Variants in ESRRA observed in about 807,000 individuals in gnomAD.
The protein encoded by ESRRA is estrogen related receptor alpha.
Under a neutral mutation model 35.6 loss-of-function variants are expected in ESRRA, and 7 were observed. That is an observed-to-expected ratio of 0.20 (90% confidence interval 0.11 to 0.37). The LOEUF (loss-of-function observed/expected upper bound fraction) is 0.37. Among genes scored for constraint, ESRRA ranks in the 10% least tolerant of loss-of-function variants. The pLI is 1.00. For synonymous variants in ESRRA, 223 were observed against 246.9 expected (o/e 0.90, Z 0.91); for missense variants, 378 against 561.7 (o/e 0.67, Z 3.31).
At position 64,316,030 on chromosome 11, in the gene ESRRA, G is replaced by T; in HGVS notation, c.*64G>T. 2 of 1,510,066 alleles carry T rather than the reference G, an allele frequency of 1.3e-6. No individual in the cohort carries two copies. Among genetic ancestry groups the T allele is most frequent in the Non-Finnish European group, 1.8e-6 (2 of 1,124,264 alleles). 93.5% of individuals were successfully genotyped at this position (1,510,066 alleles called of 1,614,324 possible). A position where few individuals can be genotyped will look rare whatever the true frequency, so the allele number is the denominator to read the frequency against. ...GCCTAGCATGGGGTCAGCCCCAAGGGCTGGGGCGGAGCTGGGGTCTGGGCA... is the reference window on the plus strand; with the variant it reads ...GCCTAGCATGGGGTCAGCCCCAAGGTCTGGGGCGGAGCTGGGGTCTGGGCA... On this transcript the variant is annotated 3_prime_UTR_variant, in exon 7 of 7. Coordinates refer to ENST00000000442, the MANE Select transcript of ESRRA (RefSeq NM_004451.5).
Position 64,315,999 on chromosome 11 carries a change from G to A in ESRRA, c.*33G>A, listed in dbSNP as rs2035249663. On this transcript the variant is annotated 3_prime_UTR_variant, in exon 7 of 7. Coordinates refer to ENST00000000442, the MANE Select transcript of ESRRA (RefSeq NM_004451.5). ...GGTGGGACTGGTGGGGGTTCTGGCAGGACCTGCCTAGCATGGGGTCAGCCC... is the reference window on the plus strand; with the variant it reads ...GGTGGGACTGGTGGGGGTTCTGGCAAGACCTGCCTAGCATGGGGTCAGCCC... 1 of 1,538,894 alleles carries A rather than the reference G, an allele frequency of 6.5e-7. No homozygotes were observed. Among genetic ancestry groups the A allele is most frequent in the South Asian group, 1.2e-5 (1 of 80,464 alleles).
In ESRRA at chr11:64,314,469, A is replaced by C. The variant is rs1046041195; in HGVS notation, c.571+102A>C. 7.5e-6 allele frequency: 10 copies of C among 1,336,980 alleles called. No homozygotes were observed. The African/African-American group carries it at 1.3e-4, about 18-fold the overall frequency. 82.8% of individuals were successfully genotyped at this position (1,336,980 alleles called of 1,614,324 possible). On this transcript the variant is annotated intron_variant, in intron 4 of 6. Coordinates refer to ENST00000000442, the MANE Select transcript of ESRRA (RefSeq NM_004451.5). ...ACCTGTATTTCCCCTTCGTCTCTTC[A>C]CTCACTCATTTCCCCAAGACATGTG...
In ESRRA at chr11:64,314,738, C is replaced by G; in HGVS notation, c.572-3C>G. ...CCTGACTCTTGTCCTCTAATTGTCA[C>G]AGCAGCCCCAGTGAATGCACTGGTG... On this transcript the variant is annotated splice_region_variant and splice_polypyrimidine_tract_variant and intron_variant, in intron 4 of 6. Transcript: ENST00000000442. 1 of 1,609,972 alleles carries G rather than the reference C, an allele frequency of 6.2e-7. No homozygotes were observed. The highest frequency in any genetic ancestry group is 1.1e-5 in the South Asian group (1 of 90,790).
rs1230595687 is a variant in ESRRA at position 64,316,230 on chromosome 11, C to T, written c.*264C>T. On this transcript the variant is annotated 3_prime_UTR_variant, in exon 7 of 7. Transcript: ENST00000000442. ...TGCCCCCAGAGTGTAGGGGGCCTTG[C>T]GGAAGCCATAGGGGGCTGCACGGGA... is the stretch of plus-strand genomic sequence containing the variant. 3.6e-5 allele frequency: 15 copies of T among 412,852 alleles called. No homozygotes were observed. The highest frequency in any genetic ancestry group is 1.2e-4 in the East Asian group (3 of 26,014). 25.6% of individuals were successfully genotyped at this position (412,852 alleles called of 1,614,324 possible).
intron 2 of ESRRA, among the ~76,000 whole-genome samples, chr11:64,312,777 C>G (rs573309724): frequency 6.6e-6 from 1 of 152,292 alleles, no homozygotes; most frequent in South Asian, 2.1e-4. Flanking sequence ...GGCATTATCA[C>G]AGGGTGGCCA....
intron 1 of ESRRA, 128 bp from the exon 2 acceptor site, chr11:64,307,040 C>T (rs2035047229): frequency 1.4e-6 from 1 of 691,988 alleles, no homozygotes; most frequent in Admixed American, 3.1e-5. Context: ...GACTCTGCCC[C>T]CCTTCTTCCC....
chr11:64,308,833 G>T (rs563093403), intron 2 of ESRRA, among the ~76,000 whole-genome samples: 471 of 136,568 alleles, frequency 3.4e-3, no homozygotes, highest in African/African-American at 6.2e-3. Flanking sequence ...AAAAAAAAAA[G>T]GCTGGGCGCG....
In ESRRA at chr11:64,305,697, C is replaced by G. The variant is rs2035017053; in HGVS notation, c.-52C>G. 1 of 148,246 alleles carries G rather than the reference C, an allele frequency of 6.7e-6. No homozygotes were observed. Among genetic ancestry groups the G allele is most frequent in the South Asian group, 2.1e-4 (1 of 4,778 alleles). 9.2% of individuals were successfully genotyped at this position (148,246 alleles called of 1,614,324 possible). A position where few individuals can be genotyped will look rare whatever the true frequency, so the allele number is the denominator to read the frequency against. On this transcript the variant is annotated 5_prime_UTR_variant, in exon 1 of 7. Coordinates refer to ENST00000000442, the MANE Select transcript of ESRRA (RefSeq NM_004451.5). The surrounding 1 kb of genome is among the most constrained non-coding windows in gnomAD (Gnocchi z 5.8). Reference sequence around the variant, plus strand: ...GCTCACTCCGGCACTCCGGGCCGCTCGGCCCCCATGCCTGCCCGACCGCGC... The same window carrying G: ...GCTCACTCCGGCACTCCGGGCCGCTGGGCCCCCATGCCTGCCCGACCGCGC...
Position 64,312,159 on chromosome 11 carries a change from A to AGATG in ESRRA, c.326-1789_326-1786dup, listed in dbSNP as rs1164389137. ...ATGTCCGGCTAATTTTTTTTTTTCG[A>AGATG]GATGGAGTCTCACTGTGTCACCCAG... On this transcript the variant is annotated intron_variant, in intron 2 of 6. Coordinates refer to ENST00000000442, the MANE Select transcript of ESRRA (RefSeq NM_004451.5). Among the ~76,000 whole-genome samples the AGATG allele has an allele frequency of 3.1e-4, 42 of 136,942 alleles. 3 individuals carry two copies. The South Asian group carries it at 9.7e-3, about 32-fold the overall frequency. The allele number at this position is 136,942 out of a possible 152,430, so 89.8% of individuals were successfully genotyped here.
In ESRRA at chr11:64,314,287, G is replaced by C; in HGVS notation, c.491G>C (p.Arg164Pro). ...VRGGRQKYKR[R>P]PEVDPLPFPG... ...GGTGGGCGGCAGAAGTACAAGCGGC[G>C]GCCGGAGGTGGACCCACTGCCCTTC... Residue 164 changes from arginine to proline, a missense_variant, in exon 4 of 7, where the codon CGG becomes CCG. This residue lies in a region of ESRRA where 284 missense variants were observed against 411.7 expected (regional missense o/e 0.69). Coordinates refer to ENST00000000442, the MANE Select transcript of ESRRA (RefSeq NM_004451.5). The C allele has an allele frequency of 6.2e-7, 1 of 1,611,750 alleles. No individual in the cohort carries two copies. Among genetic ancestry groups the C allele is most frequent in the Non-Finnish European group, 8.5e-7 (1 of 1,179,526 alleles).
In ESRRA at chr11:64,307,281, T is replaced by C; in HGVS notation, c.102T>C (p.Pro34=). 1 of 1,613,490 alleles carries C rather than the reference T, an allele frequency of 6.2e-7. No homozygotes were observed. Among genetic ancestry groups the C allele is most frequent in the South Asian group, 1.1e-5 (1 of 91,018 alleles). ...CCTCGGAGACAGAGACCGAGCCTCC[T>C]GTGGCCCTGGCCCCTGGTCCAGCTC... The part of the protein sequence containing the change: ...KGSSETETEP[P]VALAPGPAPT... Residue 34 remains proline, a synonymous_variant, in exon 2 of 7, where the codon CCT becomes CCC. Transcript: ENST00000000442.
chr11:64,307,050 C>A, intron 1 of ESRRA, 118 bp from the exon 2 acceptor site: 2 of 766,396 alleles, frequency 2.6e-6, no homozygotes, highest in East Asian at 2.8e-5. Context: ...CCCTTCTTCC[C>A]CACTTGCTGG....
chr11:64,310,873 A>G (rs953991693), intron 2 of ESRRA, among the ~76,000 whole-genome samples: 10 of 152,064 alleles, frequency 6.6e-5, no homozygotes, highest in Non-Finnish European at 1.0e-4. Flanking sequence ...AACTTGGCCA[A>G]AATCCACCAA....
rs539831192 is a variant in ESRRA at position 64,312,684 on chromosome 11, A to G, written c.326-1267A>G. Among the ~76,000 whole-genome samples, 5 of 152,308 alleles carry G rather than the reference A, an allele frequency of 3.3e-5. No individual in the cohort carries two copies. In the South Asian group the frequency reaches 1.0e-3, roughly 32 times the overall value. On this transcript the variant is annotated intron_variant, in intron 2 of 6. Coordinates refer to ENST00000000442, the MANE Select transcript of ESRRA (RefSeq NM_004451.5). ...TAATAAACAAGATAGGTGAGTGCAT[A>G]TGCAGCGTGGTCTGTTGTGCTGAGG...
At position 64,316,530 on chromosome 11, in the gene ESRRA, G is replaced by T. The variant is rs1428784565; in HGVS notation, c.*564G>T. 5 of 267,342 alleles carry T rather than the reference G, an allele frequency of 1.9e-5. No individual in the cohort carries two copies. Among genetic ancestry groups the T allele is most frequent in the South Asian group, 1.7e-4 (4 of 24,086 alleles). 16.6% of individuals were successfully genotyped at this position (267,342 alleles called of 1,614,324 possible). A position where few individuals can be genotyped will look rare whatever the true frequency, so the allele number is the denominator to read the frequency against. On this transcript the variant is annotated 3_prime_UTR_variant, in exon 7 of 7. Coordinates refer to ENST00000000442, the MANE Select transcript of ESRRA (RefSeq NM_004451.5). ...TCAGCTCCCAACGAGCCTCCTCAGG[G>T]GGTAGGAGAGCACTGCCTCTATGCC...
intron 2 of ESRRA, among the ~76,000 whole-genome samples, chr11:64,308,627 T>C (rs1218515050): frequency 6.7e-5 from 9 of 134,332 alleles, no homozygotes; most frequent in African/African-American, 2.6e-4. Context: ...ACATCCTGGC[T>C]AACACGGTGA....
In ESRRA at chr11:64,313,597, C is replaced by T. The variant is rs1384466219; in HGVS notation, c.326-354C>T. Among the ~76,000 whole-genome samples the T allele has an allele frequency of 6.6e-6, 1 of 152,202 alleles. No individual in the cohort carries two copies. Among genetic ancestry groups the T allele is most frequent in the African/African-American group, 2.4e-5 (1 of 41,440 alleles). On this transcript the variant is annotated intron_variant, in intron 2 of 6. Coordinates refer to ENST00000000442, the MANE Select transcript of ESRRA (RefSeq NM_004451.5). The surrounding 1 kb of genome is among the most constrained non-coding windows in gnomAD (Gnocchi z 4.0). ...CTAGGAGCAGGAAGTGATCAACAGC[C>T]TTAGATCCTCCTTTTAGGCCAAGTA...
Position 64,316,175 on chromosome 11 carries a change from G to A in ESRRA, c.*209G>A. 3 of 593,612 alleles carry A rather than the reference G, an allele frequency of 5.1e-6. No individual in the cohort carries two copies. Among genetic ancestry groups the A allele is most frequent in the East Asian group, 2.9e-5 (1 of 34,500 alleles). 36.8% of individuals were successfully genotyped at this position (593,612 alleles called of 1,614,324 possible). ...CTGGGAACGTGTGTCCAGGCTCTGGGCACAGTGCTGCCCCTTGCAAGCCAT... is the reference window on the plus strand; with the variant it reads ...CTGGGAACGTGTGTCCAGGCTCTGGACACAGTGCTGCCCCTTGCAAGCCAT... On this transcript the variant is annotated 3_prime_UTR_variant, in exon 7 of 7. Transcript: ENST00000000442.
At chr11:64,311,576 C>T (rs145114057) in intron 2 of ESRRA, among the ~76,000 whole-genome samples, 12 of 151,702 alleles carry the variant, frequency 7.9e-5, no homozygotes, top group African/African-American at 2.2e-4. Context: ...GCACCACGCA[C>T]GGCTAATTTT....
Sources: gnomAD v4.1 joint callset for allele counts (sites outside exome capture counted in the v4.1 genomes callset) on GRCh38, gnomAD v4.1.1 for gene constraint, gnomAD v4.1.1 regional missense constraint, Gnocchi (gnomAD v3.1) non-coding constraint, MANE v1.5 for transcripts, NCBI Gene and HGNC (gene_info 2026-07-23, HGNC 2026-07-21) for gene names.